Variants in COMMD1 observed in about 807,000 individuals in gnomAD.
The protein encoded by COMMD1 is copper metabolism domain containing 1.
COMMD1 carries 10 observed loss-of-function variants against 17.2 expected under a neutral mutation model. That is an observed-to-expected ratio of 0.58 (90% CI 0.36 to 0.99). The LOEUF is 0.99. COMMD1 is among the 50% of genes least tolerant of loss of function. The pLI is 0.01. For synonymous variants in COMMD1, 97 were observed against 91.6 expected (o/e 1.06, Z -0.34); for missense variants, 270 against 231.8 (o/e 1.17, Z -1.07).
At chr2:62,000,212 C>G (rs1392161384) in intron 1 of COMMD1, among the ~76,000 whole-genome samples, 1 of 151,426 alleles carries the variant, frequency 6.6e-6, no homozygotes, top group Non-Finnish European at 1.5e-5. Flanking sequence ...GTGTGAGCCA[C>G]TGTACCTGGC....
At chr2:62,110,043 G>A (rs1358794479) in intron 2 of COMMD1, among the ~76,000 whole-genome samples, 1 of 149,024 alleles carries the variant, frequency 6.7e-6, no homozygotes, top group Non-Finnish European at 1.5e-5. Context: ...ATAGGTGTGA[G>A]CCACCACATC....
At chr2:62,132,991 C>T (rs1021079097) in intron 2 of COMMD1, among the ~76,000 whole-genome samples, 1 of 152,210 alleles carries the variant, frequency 6.6e-6, no homozygotes, top group Non-Finnish European at 1.5e-5. Flanking sequence ...AAGGAGATAA[C>T]CCCTCCTAGA....
chr2:61,906,005 C>A, intron 1 of COMMD1, 147 bp downstream of exon 1: 1 of 780,620 alleles, frequency 1.3e-6, no homozygotes, highest in Non-Finnish European at 2.2e-6. Context: ...ACATCGGGCT[C>A]CTTCAGATTT....
intron 2 of COMMD1, among the ~76,000 whole-genome samples, chr2:62,035,743 TAAA>T (rs763075178): frequency 6.8e-4 from 65 of 95,006 alleles, no homozygotes; most frequent in Middle Eastern, 5.6e-3. Flanking sequence ...CTGTCTCAAT[TAAA>T]AAAAAAAAAA....
intron 2 of COMMD1, among the ~76,000 whole-genome samples, chr2:62,074,125 TC>T (rs1459469508): frequency 1.3e-5 from 2 of 152,178 alleles, no homozygotes; most frequent in African/African-American, 2.4e-5. Context: ...CATGCACTCT[TC>T]CTTTGGAATC....
At chr2:62,103,709 C>T (rs1370478673) in intron 2 of COMMD1, among the ~76,000 whole-genome samples, 1 of 152,184 alleles carries the variant, frequency 6.6e-6, no homozygotes, top group Non-Finnish European at 1.5e-5. Context: ...TTTTGCTTCA[C>T]AGATCATAAA....
chr2:61,930,375 G>A (rs993615220), intron 1 of COMMD1, among the ~76,000 whole-genome samples: 1 of 151,986 alleles, frequency 6.6e-6, no homozygotes, highest in Non-Finnish European at 1.5e-5. Context: ...GGCCAACATG[G>A]TGAAACCCCA....
chr2:62,059,540 C>CTTAAA, intron 2 of COMMD1, among the ~76,000 whole-genome samples: 2 of 152,156 alleles, frequency 1.3e-5, no homozygotes, highest in South Asian at 4.2e-4. Context: ...TAGCCTCTCC[C>CTTAAA]CATTTTTTCC....
intron 2 of COMMD1, among the ~76,000 whole-genome samples, chr2:62,135,333 T>C (rs753369631): frequency 1.7e-4 from 26 of 151,846 alleles, no homozygotes; most frequent in Non-Finnish European, 3.4e-4. Flanking sequence ...TTTATCAATA[T>C]GAAACACCAT....
At chr2:62,135,639 C>G (rs771698906) in intron 2 of COMMD1, among the ~76,000 whole-genome samples, 192 bp from the exon 3 acceptor site, 1 of 152,222 alleles carries the variant, frequency 6.6e-6, no homozygotes, top group African/African-American at 2.4e-5. Context: ...GTGTGAGCCA[C>G]TGCGCCTGGC....
chr2:62,072,862 C>T (rs867210995), intron 2 of COMMD1, among the ~76,000 whole-genome samples: 7 of 152,320 alleles, frequency 4.6e-5, no homozygotes, highest in East Asian at 1.9e-4. Flanking sequence ...CCACAGCAGC[C>T]GGTGTGCCTG....
At chr2:62,070,759 G>A (rs1215062663) in intron 2 of COMMD1, among the ~76,000 whole-genome samples, 1 of 152,230 alleles carries the variant, frequency 6.6e-6, no homozygotes. Context: ...GCCAGGTGCA[G>A]TGGCTCACGC....
chr2:61,981,216 G>A (rs746001712), intron 1 of COMMD1, among the ~76,000 whole-genome samples: 14 of 152,128 alleles, frequency 9.2e-5, no homozygotes, highest in Non-Finnish European at 1.5e-4. Flanking sequence ...TTTACTCAAG[G>A]AATCTTTGCC....
In COMMD1 at chr2:62,041,933, G is replaced by A. The variant is rs1221691718; in HGVS notation, c.462+40951G>A. Among the ~76,000 whole-genome samples, 4 of 152,346 alleles carry A rather than the reference G, an allele frequency of 2.6e-5. No individual in the cohort carries two copies. The East Asian group carries it at 5.8e-4, about 22-fold the overall frequency. ...GCAAGATTTATTGTGAAGAGTGAAA[G>A]AACTAAGCTTCCACACTGTGGAAGA... On this transcript the variant is annotated intron_variant, in intron 2 of 2. Transcript: ENST00000311832.
chr2:61,948,250 A>G (rs1244011172), intron 1 of COMMD1, among the ~76,000 whole-genome samples: 1 of 152,240 alleles, frequency 6.6e-6, no homozygotes, highest in Non-Finnish European at 1.5e-5. Flanking sequence ...CTGGGACTAC[A>G]AGTGTGCACC....
chr2:61,988,499 G>C (rs550140455), intron 1 of COMMD1, among the ~76,000 whole-genome samples: 10 of 152,204 alleles, frequency 6.6e-5, no homozygotes, highest in African/African-American at 1.9e-4. Context: ...ACTCTCCTTG[G>C]TGCACTGTCT....
chr2:62,104,416 C>T (rs936867239), intron 2 of COMMD1, among the ~76,000 whole-genome samples: 7 of 151,766 alleles, frequency 4.6e-5, no homozygotes, highest in African/African-American at 1.7e-4. Flanking sequence ...GGCAGATCAC[C>T]TGAGGTCAGG....
chr2:61,998,587 T>TA, intron 1 of COMMD1, among the ~76,000 whole-genome samples: 1 of 152,334 alleles, frequency 6.6e-6, no homozygotes, highest in South Asian at 2.1e-4. Context: ...CATTTGTGTG[T>TA]GCACTGGAGT....
At chr2:62,132,099 G>C (rs1673054527) in intron 2 of COMMD1, among the ~76,000 whole-genome samples, 1 of 151,048 alleles carries the variant, frequency 6.6e-6, no homozygotes, top group African/African-American at 2.4e-5. Flanking sequence ...ATGTTGGTCA[G>C]GCTAGTCTCG....
Sources: gnomAD v4.1 joint callset for allele counts (sites outside exome capture counted in the v4.1 genomes callset) on GRCh38, gnomAD v4.1.1 for gene constraint, MANE v1.5 for transcripts, NCBI Gene and HGNC (gene_info 2026-07-23, HGNC 2026-07-21) for gene names.